Variants in FYN observed in about 807,000 individuals in gnomAD.
FYN encodes the protein FYN proto-oncogene, Src family tyrosine kinase.
Under a neutral mutation model 70.2 loss-of-function variants are expected in FYN, and 10 were observed. That is an observed-to-expected ratio of 0.14 (90% CI 0.09 to 0.24). FYN has a LOEUF of 0.24. FYN is among the 10% of genes least tolerant of loss of function. FYN has a pLI of 1.00. For synonymous variants in FYN, 236 were observed against 248.6 expected, an observed-to-expected ratio of 0.95 and a Z score of 0.48; for missense variants, 319 against 673.1, an observed-to-expected ratio of 0.47 and a Z score of 5.82.
chr6:111,795,127 G>C (rs779669190), intron 2 of FYN, among the ~76,000 whole-genome samples: 1 of 152,194 alleles, frequency 6.6e-6, no homozygotes, highest in Non-Finnish European at 1.5e-5. Flanking sequence ...TGACTGAATT[G>C]TATCCCTCCA....
chr6:111,759,950 C>T (rs1802929655), intron 3 of FYN: 1 of 151,256 alleles, frequency 6.6e-6, no homozygotes, highest in South Asian at 2.1e-4. Context: ...AAAGATAAGG[C>T]AAAACTTTGA....
intron 3 of FYN, among the ~76,000 whole-genome samples, chr6:111,735,245 G>C (rs1363056756): frequency 6.6e-6 from 1 of 152,218 alleles, no homozygotes; most frequent in East Asian, 1.9e-4. Context: ...AAGAAGACAG[G>C]CTCCCTGCTC....
chr6:111,834,038 T>C (rs1322481850), intron 2 of FYN, among the ~76,000 whole-genome samples: 1 of 152,188 alleles, frequency 6.6e-6, no homozygotes, highest in East Asian at 1.9e-4. Context: ...ATCTTAAAAA[T>C]GTTGAATGAA....
intron 6 of FYN, among the ~76,000 whole-genome samples, chr6:111,704,828 C>T (rs1799998187): frequency 6.6e-6 from 1 of 151,918 alleles, no homozygotes; most frequent in African/African-American, 2.4e-5. Context: ...TTTGGGAGGC[C>T]AAGGTGGGTG....
intron 12 of FYN, among the ~76,000 whole-genome samples, chr6:111,679,839 T>C (rs1401831917): frequency 6.6e-6 from 1 of 152,134 alleles, no homozygotes; most frequent in Non-Finnish European, 1.5e-5. Context: ...GGGAGCCCCA[T>C]ACTTTGTTCT....
intron 13 of FYN, among the ~76,000 whole-genome samples, chr6:111,673,626 T>G (rs1343926328): frequency 1.3e-5 from 2 of 148,158 alleles, no homozygotes; most frequent in African/African-American, 2.5e-5. Flanking sequence ...ATCATTGTTT[T>G]TTTTTTTTTT....
chr6:111,753,977 G>C (rs1318617582), intron 3 of FYN, among the ~76,000 whole-genome samples: 1 of 152,162 alleles, frequency 6.6e-6, no homozygotes, highest in African/African-American at 2.4e-5. Context: ...CTGAGCTAGG[G>C]AGGTTAGTAG....
intron 1 of FYN, among the ~76,000 whole-genome samples, chr6:111,860,316 G>A (rs568543906): frequency 6.6e-6 from 1 of 152,270 alleles, no homozygotes; most frequent in African/African-American, 2.4e-5. Flanking sequence ...TCCCTCTTCA[G>A]TGGATCATTC....
chr6:111,769,781 A>C (rs1410297605), intron 3 of FYN, among the ~76,000 whole-genome samples: 1 of 152,200 alleles, frequency 6.6e-6, no homozygotes, highest in Non-Finnish European at 1.5e-5. Context: ...AATTACTTCT[A>C]AGAGAAAGAA....
chr6:111,708,133 C>G, intron 5 of FYN, 113 bp from the exon 6 acceptor site: 1 of 759,334 alleles, frequency 1.3e-6, no homozygotes, highest in Non-Finnish European at 2.3e-6. Context: ...CACCCGATTT[C>G]TCCAACCTAT....
At chr6:111,810,338 A>G (rs1772284114) in intron 2 of FYN, among the ~76,000 whole-genome samples, 1 of 152,204 alleles carries the variant, frequency 6.6e-6, no homozygotes, top group African/African-American at 2.4e-5. Context: ...CTTCACTGAG[A>G]GTATCCCAGG....
intron 1 of FYN, among the ~76,000 whole-genome samples, chr6:111,856,693 T>C (rs886205901): frequency 2.0e-5 from 3 of 152,196 alleles, no homozygotes; most frequent in Non-Finnish European, 4.4e-5. Flanking sequence ...GCTGACTCTT[T>C]TCAATTTAAA....
chr6:111,865,253 A>T (rs1009789569), intron 1 of FYN, among the ~76,000 whole-genome samples: 2 of 152,186 alleles, frequency 1.3e-5, no homozygotes, highest in Non-Finnish European at 2.9e-5. Context: ...AGAGTATGTG[A>T]TGATCTCTGC....
chr6:111,803,100 C>A (rs1772039804), intron 2 of FYN, among the ~76,000 whole-genome samples: 1 of 152,222 alleles, frequency 6.6e-6, no homozygotes, highest in Non-Finnish European at 1.5e-5. Flanking sequence ...ACAAGATCCT[C>A]CAACTGCCTC....
chr6:111,772,280 C>G (rs1400833407), intron 3 of FYN, among the ~76,000 whole-genome samples: 1 of 152,022 alleles, frequency 6.6e-6, no homozygotes, highest in African/African-American at 2.4e-5. Context: ...TATGAAGGCC[C>G]AGGTCATACA....
At chr6:111,765,162 GCA>G (rs1375451670) in intron 3 of FYN, among the ~76,000 whole-genome samples, 2 of 152,012 alleles carry the variant, frequency 1.3e-5, no homozygotes, top group Non-Finnish European at 2.9e-5. Context: ...GCACACATGA[GCA>G]CACACACTCT....
intron 3 of FYN, among the ~76,000 whole-genome samples, chr6:111,731,524 TC>T (rs1801450840): frequency 6.6e-6 from 1 of 152,138 alleles, no homozygotes; most frequent in African/African-American, 2.4e-5. Context: ...TGAAGCCCAG[TC>T]CCCCGGCCCC....
intron 1 of FYN, among the ~76,000 whole-genome samples, chr6:111,851,086 A>C (rs1243032362): frequency 6.6e-6 from 1 of 152,116 alleles, no homozygotes; most frequent in Non-Finnish European, 1.5e-5. Context: ...GCACGTTCAA[A>C]ATGAGGGGCA....
intron 2 of FYN, among the ~76,000 whole-genome samples, chr6:111,797,766 C>T (rs1771862985): frequency 6.9e-6 from 1 of 144,384 alleles, no homozygotes; most frequent in Admixed American, 7.1e-5. Flanking sequence ...ATAAATACAT[C>T]TTTTTTCTTT....
Sources: gnomAD v4.1 joint callset for allele counts (sites outside exome capture counted in the v4.1 genomes callset) on GRCh38, gnomAD v4.1.1 for gene constraint, MANE v1.5 for transcripts, NCBI Gene and HGNC (gene_info 2026-07-23, HGNC 2026-07-21) for gene names.